Variants in RNF213 observed in about 807,000 individuals in gnomAD.
RNF213 encodes the protein ring finger protein 213.
In RNF213, 341 loss-of-function variants were observed where a neutral mutation model predicts 514.4. The observed-to-expected ratio is 0.66, with a 90% CI of 0.61 to 0.73. The LOEUF is 0.73. Among genes scored for constraint, RNF213 ranks in the 30% least tolerant of loss-of-function variants. The probability of loss-of-function intolerance (pLI) is 0.00; values close to 1 mark genes in which losing one functional copy is unlikely to be tolerated. For missense variants in RNF213, 5,767 were observed against 6,615.6 expected, an observed-to-expected ratio of 0.87 and a Z score of 4.45; for synonymous variants, 2,655 against 2,658.2, an observed-to-expected ratio of 1.00 and a Z score of 0.04.
Position 80,340,368 on chromosome 17 carries a change from G to A in RNF213, c.5989+12G>A, listed in dbSNP as rs558602141. 3.7e-4 allele frequency: 584 copies of A among 1,598,020 alleles called. 3 individuals carry two copies. Among genetic ancestry groups the A allele is most frequent in the South Asian group, 3.1e-3 (278 of 89,550 alleles). On this transcript the variant is annotated intron_variant, in intron 26 of 67. Transcript: ENST00000582970. ...GCGAGCAGGTGTTGGTAAGGAGAGC[G>A]GCAGGGTGGGCAGGCCCCGTCTCCC...
In RNF213 at chr17:80,346,682, G is replaced by A. The variant is rs1221179403; in HGVS notation, c.8347G>A (p.Ala2783Thr). 1.2e-6 allele frequency: 2 copies of A among 1,611,144 alleles called. No homozygotes were observed. The highest frequency in any genetic ancestry group is 4.5e-5 in the East Asian group (2 of 44,872). ...CAAGTCTCTCGCCAAGACCATCGTG[G>A]CAGACGCCATGCAGGGCCCGGCTGC... ...SSKSLAKTIVADAMQGPAAYS... is the reference protein window; with the variant it reads ...SSKSLAKTIVTDAMQGPAAYS... The change falls in exon 29 of 68, where the codon GCA becomes ACA. Residue 2783 changes from alanine (A) to threonine (T), a missense_variant. Physicochemically the swap from Ala to Thr is moderately conservative, Grantham distance 58. Coordinates refer to ENST00000582970, the MANE Select transcript of RNF213 (RefSeq NM_001256071.3). The surrounding 1 kb of genome is among the most constrained non-coding windows in gnomAD (Gnocchi z 8.1).
chr17:80,302,386 C>T (rs1316189302), intron 11 of RNF213, among the ~76,000 whole-genome samples: 1 of 151,602 alleles, frequency 6.6e-6, no homozygotes, highest in South Asian at 2.2e-4. Context: ...TATATTTGTA[C>T]AGATTACAGA....
At position 80,340,144 on chromosome 17, in the gene RNF213, T is replaced by A; in HGVS notation, c.5777T>A (p.Leu1926His). ...CAGCAGCACCGAGAAGACTACCAGC[T>A]CGTCATGGTCTGTGATGGGGACTGG... ...CTQQHREDYQ[L>H]VMVCDGDWEH... The change falls in exon 26 of 68, where the codon CTC becomes CAC. Residue 1926 changes from leucine (L) to histidine (H), a missense_variant. Physicochemically the swap from Leu to His is moderately conservative, Grantham distance 99. Around this residue, in one of 13 missense-constraint regions of RNF213, gnomAD observed 1,377 missense variants for 1,635.2 expected, o/e 0.84. Transcript: ENST00000582970. 1 of 1,613,382 alleles carries A rather than the reference T, an allele frequency of 6.2e-7. No individual in the cohort carries two copies. Among genetic ancestry groups the A allele is most frequent in the Non-Finnish European group, 8.5e-7 (1 of 1,179,856 alleles).
chr17:80,271,555 G>A (rs2043822929), intron 2 of RNF213, among the ~76,000 whole-genome samples: 1 of 152,248 alleles, frequency 6.6e-6, no homozygotes, highest in Admixed American at 6.5e-5. Flanking sequence ...AGCAGGCTTG[G>A]CCTGGCACCA....
chr17:80,331,532 G>A (rs970592014), intron 20 of RNF213, among the ~76,000 whole-genome samples: 10 of 151,856 alleles, frequency 6.6e-5, no homozygotes, highest in African/African-American at 2.4e-4. Flanking sequence ...GGGATTACAG[G>A]TGCGCTCCAC....
rs767333545 is a variant in RNF213 at position 80,369,697 on chromosome 17, T to C, written c.12325+26T>C. Reference sequence around the variant, plus strand: ...GTAGGTTGCTTTCTTCCTGTAAACCTAGCCCCTCATTTCTTCATCTCGCTT... The same window carrying C: ...GTAGGTTGCTTTCTTCCTGTAAACCCAGCCCCTCATTTCTTCATCTCGCTT... On this transcript the variant is annotated intron_variant, in intron 45 of 67. Coordinates refer to ENST00000582970, the MANE Select transcript of RNF213 (RefSeq NM_001256071.3). 4 of 1,614,144 alleles carry C rather than the reference T, an allele frequency of 2.5e-6. No homozygotes were observed. In the Admixed American group the frequency reaches 5.0e-5, roughly 20 times the overall value.
At position 80,290,608 on chromosome 17, in the gene RNF213, A is replaced by G. The variant is rs2044686217; in HGVS notation, c.1151A>G (p.His384Arg). The G allele has an allele frequency of 3.1e-6, 5 of 1,614,100 alleles. No individual in the cohort carries two copies. Among genetic ancestry groups the G allele is most frequent in the Non-Finnish European group, 4.2e-6 (5 of 1,180,026 alleles). ...GGTGGAGGAGTCACCGTGTTCTTCC[A>G]CGCCATCATCTCTCTTCATTTCCCA... Reference protein sequence around the residue: ...SPGGGVTVFFHAIISLHFPFN... With the variant: ...SPGGGVTVFFRAIISLHFPFN... The change falls in exon 7 of 68, where the codon CAC (histidine) becomes CGC (arginine). Residue 384 changes from histidine (H) to arginine (R), a missense_variant. By Grantham distance (29) the His-to-Arg change is conservative. This residue lies in a region of RNF213 where 509 missense variants were observed against 496.7 expected (regional missense o/e 1.02). Coordinates refer to ENST00000582970, the MANE Select transcript of RNF213 (RefSeq NM_001256071.3).
rs2043894935 is a variant in RNF213 at position 80,273,382 on chromosome 17, A to T, written c.239A>T (p.Lys80Ile). 6.2e-7 allele frequency: 1 copy of T among 1,612,918 alleles called. No homozygotes were observed. Among genetic ancestry groups the T allele is most frequent in the East Asian group, 2.2e-5 (1 of 44,854 alleles). Reference protein sequence around the residue: ...WQENPEEPCSKASWTVQESKK... With the variant: ...WQENPEEPCSIASWTVQESKK... ...GAAAACCCCGAGGAGCCCTGTTCCAAAGCCTCCTGGACCGTCCAAGAAGTG... is the reference window on the plus strand; with the variant it reads ...GAAAACCCCGAGGAGCCCTGTTCCATAGCCTCCTGGACCGTCCAAGAAGTG... Residue 80 changes from lysine to isoleucine, a missense_variant, in exon 3 of 68, where the codon AAA becomes ATA. Transcript: ENST00000582970.
At chr17:80,390,375 T>C (rs550768460) in intron 67 of RNF213, among the ~76,000 whole-genome samples, 179 bp downstream of exon 67, 1 of 152,326 alleles carries the variant, frequency 6.6e-6, no homozygotes, top group African/African-American at 2.4e-5. Flanking sequence ...GGGTTTTCTT[T>C]AAGCAATTAC....
chr17:80,336,069 C>A, intron 22 of RNF213, 92 bp from the exon 23 acceptor site: 3 of 984,624 alleles, frequency 3.0e-6, no homozygotes, highest in East Asian at 5.3e-5. Flanking sequence ...ATGAAATATC[C>A]ATTTCAGCTT....
rs796644400 is a variant in RNF213 at position 80,310,891 on chromosome 17, C to T, written c.2655+1720C>T. On this transcript the variant is annotated intron_variant, in intron 14 of 67. Coordinates refer to ENST00000582970, the MANE Select transcript of RNF213 (RefSeq NM_001256071.3). ...ATCTTACTTCAAGTTAGAACTGTGACGTTAGTGATAGAAAACAATTAAGTG... is the reference window on the plus strand; with the variant it reads ...ATCTTACTTCAAGTTAGAACTGTGATGTTAGTGATAGAAAACAATTAAGTG... Among the ~76,000 whole-genome samples the T allele has an allele frequency of 2.5e-4, 38 of 152,232 alleles. 2 individuals carry two copies. The highest frequency in any genetic ancestry group is 7.7e-4 in the African/African-American group (32 of 41,526).
Position 80,369,584 on chromosome 17 carries a change from G to A in RNF213, c.12238G>A (p.Asp4080Asn). 6.2e-7 allele frequency: 1 copy of A among 1,614,232 alleles called. No homozygotes were observed. Among genetic ancestry groups the A allele is most frequent in the Non-Finnish European group, 8.5e-7 (1 of 1,180,038 alleles). The part of the protein sequence containing the change: ...VDLVSTICFK[D>N]NAPPEKEVIE... ...CCTGGTGTCCACCATTTGCTTCAAGGACAACGCTCCGCCTGAGAAGGAAGT... is the reference window on the plus strand; with the variant it reads ...CCTGGTGTCCACCATTTGCTTCAAGAACAACGCTCCGCCTGAGAAGGAAGT... The change falls in exon 45 of 68, where the codon GAC (aspartate) becomes AAC (asparagine). Residue 4080 changes from aspartate to asparagine, a missense_variant. Transcript: ENST00000582970.
At chr17:80,334,300 G>A in intron 22 of RNF213, 30 bp downstream of exon 22, 1 of 1,515,396 alleles carries the variant, frequency 6.6e-7, no homozygotes, top group Non-Finnish European at 8.8e-7. Context: ...TTGCGTGGAA[G>A]TGTGGAGAAA....
Position 80,328,334 on chromosome 17 carries a change from A to G in RNF213, c.3374A>G (p.Lys1125Arg), listed in dbSNP as rs2046331612. 2.0e-6 allele frequency: 3 copies of G among 1,535,000 alleles called. No individual in the cohort carries two copies. The highest frequency in any genetic ancestry group is 2.6e-6 in the Non-Finnish European group (3 of 1,145,708). The change falls in exon 20 of 68, where the codon AAA (lysine) becomes AGA (arginine). Residue 1125 changes from lysine (K) to arginine (R), a missense_variant. Lys to Arg is a conservative substitution (Grantham distance 26). Around this residue, in one of 13 missense-constraint regions of RNF213, gnomAD observed 516 missense variants for 566.5 expected, o/e 0.91. Transcript: ENST00000582970. Reference sequence around the variant, plus strand: ...TGGTGTTCTTATTTTCCAGGGGAAAAAAGTCTTTCACCCCAGGATGAACAA... The same window carrying G: ...TGGTGTTCTTATTTTCCAGGGGAAAGAAGTCTTTCACCCCAGGATGAACAA... ...QFLDIWQLRE[K>R]SLSPQDEQCA...
chr17:80,300,115 A>G (rs554620590), intron 11 of RNF213, among the ~76,000 whole-genome samples: 3 of 152,290 alleles, frequency 2.0e-5, no homozygotes, highest in African/African-American at 4.8e-5. Flanking sequence ...TATTTGTGGA[A>G]TTGCCACACT....
At position 80,360,187 on chromosome 17, in the gene RNF213, G is replaced by A. The variant is rs375230241; in HGVS notation, c.11181G>A (p.Gln3727=). Residue 3727 remains glutamine, a synonymous_variant, in exon 38 of 68, where the codon CAG becomes CAA. Transcript: ENST00000582970. ...DYLEELWVQA[Q]YITDAEGLPK... Reference sequence around the variant, plus strand: ...TGGAGGAGCTGTGGGTCCAGGCTCAGTACATCACAGACGCAGAAGGTGAGG... The same window carrying A: ...TGGAGGAGCTGTGGGTCCAGGCTCAATACATCACAGACGCAGAAGGTGAGG... 1 of 1,613,668 alleles carries A rather than the reference G, an allele frequency of 6.2e-7. No individual in the cohort carries two copies.
rs762884672 is a variant in RNF213, at chr17:80,344,941, G to T, written c.6606G>T (p.Leu2202=). ...CGGAGGAATGCCTCCAGCATTTCCTGTTTCACTGCGGGGTAATAAACCCAT... is the reference window on the plus strand; with the variant it reads ...CGGAGGAATGCCTCCAGCATTTCCTTTTTCACTGCGGGGTAATAAACCCAT... ...GTPEECLQHF[L]FHCGVINPSW... is the part of the protein sequence containing the mutation. Residue 2202 remains leucine (L), a synonymous_variant, in exon 29 of 68, where the codon CTG becomes CTT. Transcript: ENST00000582970. The T allele has an allele frequency of 3.1e-6, 5 of 1,614,168 alleles. No homozygotes were observed. In the Admixed American group the frequency reaches 8.3e-5, roughly 27 times the overall value.
At chr17:80,338,773 C>A (rs918662653) in intron 25 of RNF213, among the ~76,000 whole-genome samples, 1 of 151,566 alleles carries the variant, frequency 6.6e-6, no homozygotes, top group Non-Finnish European at 1.5e-5. Flanking sequence ...TATGGTGAAA[C>A]CCCATCTCTA....
intron 14 of RNF213, among the ~76,000 whole-genome samples, chr17:80,312,383 C>CG (rs1375540584): frequency 6.6e-6 from 1 of 151,760 alleles, no homozygotes; most frequent in East Asian, 1.9e-4. Context: ...GGCACGGAGG[C>CG]GGGGGGAGAG....
Sources: gnomAD v4.1 joint callset for allele counts (sites outside exome capture counted in the v4.1 genomes callset) on GRCh38, gnomAD v4.1.1 for gene constraint, gnomAD v4.1.1 regional missense constraint, Gnocchi (gnomAD v3.1) non-coding constraint, MANE v1.5 for transcripts, NCBI Gene and HGNC (gene_info 2026-07-23, HGNC 2026-07-21) for gene names.